Variants in CMSS1 observed in about 807,000 individuals in gnomAD.
CMSS1 encodes cms1 ribosomal small subunit homolog, also known as protein CMSS1.
CMSS1 carries 33 observed loss-of-function variants against 43.5 expected under a neutral mutation model. That is an observed-to-expected ratio of 0.76 (90% CI 0.57 to 1.01). The LOEUF is 1.01. Among genes scored for constraint, CMSS1 ranks in the 50% least tolerant of loss-of-function variants. The pLI, the probability that CMSS1 is intolerant of heterozygous loss-of-function variation, is 0.00. For synonymous variants in CMSS1, 115 were observed against 117.2 expected (o/e 0.98, Z 0.12); for missense variants, 313 against 326.4 (o/e 0.96, Z 0.32).
chr3:99,989,664 CTA>C (rs72124290), intron 1 of CMSS1, among the ~76,000 whole-genome samples: 13,169 of 62,754 alleles, frequency 0.21, 628 homozygotes, highest in Middle Eastern at 0.24. Context: ...GTATCTTCCT[CTA>C]TATATATATA....
At chr3:100,041,932 G>A (rs901757742) in intron 1 of CMSS1, among the ~76,000 whole-genome samples, 1 of 152,150 alleles carries the variant, frequency 6.6e-6, no homozygotes, top group African/African-American at 2.4e-5. Flanking sequence ...AAAGGCACAG[G>A]CTGCACCTCA....
At chr3:100,094,011 TTA>T (rs1396777789) in intron 1 of CMSS1, among the ~76,000 whole-genome samples, 1 of 152,202 alleles carries the variant, frequency 6.6e-6, no homozygotes, top group Non-Finnish European at 1.5e-5. Flanking sequence ...TATGGTAGTT[TTA>T]TAGAGTTACT....
intron 1 of CMSS1, among the ~76,000 whole-genome samples, chr3:100,030,381 T>C (rs1370142057): frequency 6.6e-6 from 1 of 152,136 alleles, no homozygotes; most frequent in Non-Finnish European, 1.5e-5. Context: ...CTTGGACTCA[T>C]TGTCCTCTAA....
intron 1 of CMSS1, among the ~76,000 whole-genome samples, chr3:100,086,047 T>C (rs1237197365): frequency 2.0e-5 from 3 of 152,226 alleles, no homozygotes; most frequent in Non-Finnish European, 2.9e-5. Flanking sequence ...ATATGATTCG[T>C]GTTAGAGAGC....
At chr3:99,983,389 A>AATAC (rs1302972402) in intron 1 of CMSS1, among the ~76,000 whole-genome samples, 2 of 40,788 alleles carry the variant, frequency 4.9e-5, no homozygotes, top group African/African-American at 2.0e-4. Context: ...TAAATAAATA[A>AATAC]ATATATATAT....
rs192963407 is a variant in CMSS1, at chr3:99,949,875, G to A, written c.64+131832G>A. ...AAAATCCATCACAATTATTACCAAG[G>A]ACATTCTTAATCAGCTGTGTGTGTG... On this transcript the variant is annotated intron_variant, in intron 1 of 9. Coordinates refer to ENST00000421999, the MANE Select transcript of CMSS1 (RefSeq NM_032359.4). Among the ~76,000 whole-genome samples, 5 of 152,234 alleles carry A rather than the reference G, an allele frequency of 3.3e-5. No individual in the cohort carries two copies. In the East Asian group the frequency reaches 7.7e-4, roughly 23 times the overall value.
intron 1 of CMSS1, among the ~76,000 whole-genome samples, chr3:99,926,875 C>T (rs1297623237): frequency 6.6e-6 from 1 of 152,140 alleles, no homozygotes; most frequent in Non-Finnish European, 1.5e-5. Context: ...GAATCCGTGC[C>T]CTTCATTTAT....
chr3:99,875,374 T>TACTA (rs1261543807), intron 1 of CMSS1, among the ~76,000 whole-genome samples: 8 of 152,322 alleles, frequency 5.3e-5, no homozygotes, highest in Non-Finnish European at 7.4e-5. Context: ...TTACATAATA[T>TACTA]ACTACTATCC....
At chr3:99,908,655 A>T (rs1706696507) in intron 1 of CMSS1, among the ~76,000 whole-genome samples, 2 of 152,228 alleles carry the variant, frequency 1.3e-5, no homozygotes, top group South Asian at 4.1e-4. Context: ...GATTATCTGA[A>T]TATTATGTGG....
chr3:99,947,537 G>A (rs909540740), intron 1 of CMSS1, among the ~76,000 whole-genome samples: 7 of 152,118 alleles, frequency 4.6e-5, no homozygotes, highest in Non-Finnish European at 7.4e-5. Flanking sequence ...CCTTGACTTT[G>A]TCTGGACTTC....
At chr3:99,892,619 A>G (rs1559678239) in intron 1 of CMSS1, among the ~76,000 whole-genome samples, 1 of 152,074 alleles carries the variant, frequency 6.6e-6, no homozygotes, top group East Asian at 1.9e-4. Flanking sequence ...CAGGCATCTC[A>G]TCCAAACCTG....
chr3:100,078,387 A>G (rs945673630), intron 1 of CMSS1, among the ~76,000 whole-genome samples: 2 of 152,158 alleles, frequency 1.3e-5, no homozygotes, highest in Non-Finnish European at 2.9e-5. Context: ...CATAACACAT[A>G]TGTAATATAA....
chr3:100,073,726 C>A (rs1191179435), intron 1 of CMSS1, among the ~76,000 whole-genome samples: 1 of 152,186 alleles, frequency 6.6e-6, no homozygotes, highest in Non-Finnish European at 1.5e-5. Context: ...CCGGTGTTCA[C>A]TCTACATTCA....
intron 1 of CMSS1, among the ~76,000 whole-genome samples, chr3:99,885,823 C>G (rs942448915): frequency 6.6e-6 from 1 of 152,158 alleles, no homozygotes; most frequent in Admixed American, 6.5e-5. Context: ...TGTACATTTA[C>G]CAACTACTAC....
At chr3:99,827,816 G>C (rs531041800) in intron 1 of CMSS1, among the ~76,000 whole-genome samples, 1 of 152,068 alleles carries the variant, frequency 6.6e-6, no homozygotes, top group African/African-American at 2.4e-5. Flanking sequence ...CGTTGGTGAA[G>C]CTGGTCTCGA....
chr3:100,056,725 C>A (rs975975016), intron 1 of CMSS1, among the ~76,000 whole-genome samples: 1 of 151,048 alleles, frequency 6.6e-6, no homozygotes, highest in African/African-American at 2.4e-5. Context: ...TGGGGCCGGG[C>A]GCGGTGGCTC....
At chr3:100,176,630 C>G (rs1163887034) in intron 9 of CMSS1, among the ~76,000 whole-genome samples, 1 of 152,220 alleles carries the variant, frequency 6.6e-6, no homozygotes, top group East Asian at 1.9e-4. Context: ...GGAATCAGCT[C>G]TGTTGCTCCT....
chr3:99,866,672 G>A (rs1195578750), intron 1 of CMSS1, among the ~76,000 whole-genome samples: 3 of 152,152 alleles, frequency 2.0e-5, no homozygotes, highest in African/African-American at 7.2e-5. Flanking sequence ...GCTTCCTGCT[G>A]AGTAAACAAT....
At chr3:99,847,052 G>C (rs370972662) in intron 1 of CMSS1, among the ~76,000 whole-genome samples, 20 of 152,284 alleles carry the variant, frequency 1.3e-4, no homozygotes, top group African/African-American at 4.8e-4. Flanking sequence ...ATTCGGCTGA[G>C]TTATTCTCAT....
Sources: allele counts gnomAD v4.1 joint callset (sites outside exome capture counted in the v4.1 genomes callset), GRCh38; gene constraint gnomAD v4.1.1; transcripts MANE v1.5; gene names NCBI Gene and HGNC (gene_info 2026-07-23, HGNC 2026-07-21).